Variants in TNIP3 observed in about 807,000 individuals in gnomAD.
The protein encoded by TNIP3 is TNFAIP3-interacting protein 3.
In TNIP3, 34 loss-of-function variants were observed where a neutral mutation model predicts 54.1. The observed-to-expected ratio is 0.63, with a 90% CI of 0.48 to 0.84. The LOEUF is 0.84. TNIP3 is among the 40% of genes least tolerant of loss of function. TNIP3 has a pLI of 0.00. For missense variants in TNIP3, 366 were observed against 387.6 expected (o/e 0.94, Z 0.47); for synonymous variants, 134 against 136.8 (o/e 0.98, Z 0.14).
chr4:121,209,385 T>C (rs1726355690), intron 2 of TNIP3, among the ~76,000 whole-genome samples: 1 of 152,200 alleles, frequency 6.6e-6, no homozygotes, highest in Admixed American at 6.5e-5. Context: ...GGCAGTCTTG[T>C]GGGACTGAGG....
chr4:121,183,694 C>T (rs573356144), intron 2 of TNIP3, among the ~76,000 whole-genome samples: 7 of 152,170 alleles, frequency 4.6e-5, no homozygotes, highest in Middle Eastern at 6.8e-3. Flanking sequence ...AATCCTATTG[C>T]GAACTGCACA....
intron 1 of TNIP3, among the ~76,000 whole-genome samples, chr4:121,162,015 T>C (rs370114030): frequency 1.3e-5 from 2 of 152,190 alleles, no homozygotes; most frequent in South Asian, 4.1e-4. Flanking sequence ...ATATAAGTAA[T>C]ACAATTTATT....
At chr4:121,184,335 AC>A (rs1478929133) in intron 2 of TNIP3, among the ~76,000 whole-genome samples, 1 of 152,076 alleles carries the variant, frequency 6.6e-6, no homozygotes. Context: ...TCAATCCACC[AC>A]CCTTGTTGAG....
chr4:121,203,254 TAGATAGAA>T lies in TNIP3; in HGVS notation c.68+13153_68+13160del, dbSNP rs1017459178. Reference sequence around the variant, plus strand: ...ATAGATAGATAGATAGATAGATAGATAGATAGAAAGATACCATGAAATACTATTCAGCC... The same window carrying T: ...ATAGATAGATAGATAGATAGATAGATAGATACCATGAAATACTATTCAGCC... On this transcript the variant is annotated intron_variant, in intron 2 of 12. Coordinates refer to the TNIP3 transcript ENST00000507879. Among the ~76,000 whole-genome samples the T allele has an allele frequency of 1.6e-4, 25 of 151,516 alleles. No individual in the cohort carries two copies. In the South Asian group the frequency reaches 3.5e-3, roughly 22 times the overall value.
chr4:121,161,185 A>G lies in TNIP3; in HGVS notation c.98T>C (p.Met33Thr), dbSNP rs1200054273. The change falls in exon 2 of 11, where the codon ATG becomes ACG. Residue 33 changes from methionine (M) to threonine (T), a missense_variant. Transcript: ENST00000057513. The stretch of plus-strand genomic sequence containing the variant: ...CCTTATCTTTTGTTCAAGAGAATTC[A>G]TCAAGTTCTTTCTTGTTGATGGTTC... ...CAEPSTRKNL[M>T]NSLEQKIRCL... 3.1e-6 allele frequency: 5 copies of G among 1,587,684 alleles called. No individual in the cohort carries two copies. Among genetic ancestry groups the G allele is most frequent in the Non-Finnish European group, 4.3e-6 (5 of 1,164,044 alleles).
At chr4:121,190,333 G>C (rs1347535665) in intron 2 of TNIP3, among the ~76,000 whole-genome samples, 1 of 152,070 alleles carries the variant, frequency 6.6e-6, no homozygotes, top group East Asian at 1.9e-4. Flanking sequence ...ATTTTTCAGA[G>C]CCTCACAGAG....
chr4:121,138,617 G>A lies in TNIP3; in HGVS notation c.946+7C>T. ...TGAAAGAATGCTCAATACAGCTGTG[G>A]TCTCACCATTTGCCTTGTGTTGTAC... is the stretch of plus-strand genomic sequence containing the variant. On this transcript the variant is annotated splice_region_variant and intron_variant, in intron 10 of 10. Coordinates refer to ENST00000057513, the MANE Select transcript of TNIP3 (RefSeq NM_024873.6). The A allele has an allele frequency of 6.2e-7, 1 of 1,613,052 alleles. No individual in the cohort carries two copies. Among genetic ancestry groups the A allele is most frequent in the Non-Finnish European group, 8.5e-7 (1 of 1,179,052 alleles).
At chr4:121,203,238 T>TAGAC (rs1725996493) in intron 2 of TNIP3, among the ~76,000 whole-genome samples, 1 of 151,496 alleles carries the variant, frequency 6.6e-6, no homozygotes, top group Non-Finnish European at 1.5e-5. Flanking sequence ...GATAGATAGA[T>TAGAC]AGATAGATAG....
intron 2 of TNIP3, among the ~76,000 whole-genome samples, chr4:121,191,394 A>T (rs17051316): frequency 0.025 from 3,879 of 152,298 alleles, 157 homozygotes; most frequent in African/African-American, 0.087. Flanking sequence ...AACAAAGTTA[A>T]CCTAGCTACA....
At chr4:121,205,829 TACCTGAG>T (rs1365887337) in intron 2 of TNIP3, among the ~76,000 whole-genome samples, 2 of 152,144 alleles carry the variant, frequency 1.3e-5, no homozygotes, top group Non-Finnish European at 2.9e-5. Context: ...TATGAAGAAA[TACCTGAG>T]ACTGGGTAAT....
chr4:121,222,898 C>T (rs1407995808), intron 1 of TNIP3, among the ~76,000 whole-genome samples: 2 of 151,104 alleles, frequency 1.3e-5, no homozygotes, highest in Non-Finnish European at 2.9e-5. Context: ...CTCCGCCTCC[C>T]AGGTTCACGC....
At chr4:121,181,795 CAA>C (rs1560675513) in intron 3 of TNIP3, among the ~76,000 whole-genome samples, 1 of 152,004 alleles carries the variant, frequency 6.6e-6, no homozygotes, top group African/African-American at 2.4e-5. Context: ...AAAAAAGAAA[CAA>C]ATTTATGGAT....
At chr4:121,225,579 T>A (rs1211080465) in intron 1 of TNIP3, among the ~76,000 whole-genome samples, 1 of 152,248 alleles carries the variant, frequency 6.6e-6, no homozygotes, top group African/African-American at 2.4e-5. Context: ...TAATAGGTGT[T>A]CCTCTAATAA....
At chr4:121,148,278 A>G (rs1729546371) in intron 6 of TNIP3, among the ~76,000 whole-genome samples, 1 of 152,238 alleles carries the variant, frequency 6.6e-6, no homozygotes, top group South Asian at 2.1e-4. Context: ...GTGCCTGATT[A>G]GAAACGTGCA....
At chr4:121,168,203 T>A (rs1458109768), upstream of TNIP3, among the ~76,000 whole-genome samples, 1 of 152,092 alleles carries the variant, frequency 6.6e-6, no homozygotes, top group African/African-American at 2.4e-5. Flanking sequence ...TACCATTTTT[T>A]CTTTCTTTTT....
At chr4:121,141,102 T>C (rs1729091990) in intron 9 of TNIP3, among the ~76,000 whole-genome samples, 1 of 152,236 alleles carries the variant, frequency 6.6e-6, no homozygotes, top group African/African-American at 2.4e-5. Context: ...GGGATTTGTC[T>C]GGGTAAATCC....
intron 2 of TNIP3, among the ~76,000 whole-genome samples, chr4:121,200,146 CA>C (rs1265071610): frequency 6.6e-6 from 1 of 152,102 alleles, no homozygotes; most frequent in Non-Finnish European, 1.5e-5. Flanking sequence ...ACTGCCCCCA[CA>C]TGGGCACAGA....
chr4:121,134,585 G>A (rs550392705), intron 10 of TNIP3, among the ~76,000 whole-genome samples: 4 of 152,256 alleles, frequency 2.6e-5, no homozygotes, highest in South Asian at 4.2e-4. Context: ...GAAAACATTC[G>A]AAACCCTTCA....
intron 3 of TNIP3, among the ~76,000 whole-genome samples, chr4:121,169,905 A>G (rs1489932337): frequency 6.6e-6 from 1 of 152,194 alleles, no homozygotes; most frequent in South Asian, 2.1e-4. Context: ...TTGATTATAT[A>G]CTTTTAGTTT....
Sources: allele counts gnomAD v4.1 joint callset (sites outside exome capture counted in the v4.1 genomes callset), GRCh38; gene constraint gnomAD v4.1.1; transcripts MANE v1.5; gene names NCBI Gene and HGNC (gene_info 2026-07-23, HGNC 2026-07-21).